GPBP1: variants seen among roughly 807,000 people sequenced by gnomAD.
The protein encoded by GPBP1 is GC-rich promoter binding protein 1.
In GPBP1, 13 loss-of-function variants were observed where a neutral mutation model predicts 56.5. The ratio of observed to expected loss-of-function variants is 0.23; its 90% CI spans 0.15 to 0.37. The LOEUF (loss-of-function observed/expected upper bound fraction) is 0.37, where lower values mean the gene tolerates loss of function less well. Among genes scored for constraint, GPBP1 ranks in the 10% least tolerant of loss-of-function variants. GPBP1 has a pLI of 1.00. For missense variants in GPBP1, 477 were observed against 572.3 expected, an observed-to-expected ratio of 0.83 and a Z score of 1.70; for synonymous variants, 204 against 188.9, an observed-to-expected ratio of 1.08 and a Z score of -0.66.
intron 3 of GPBP1, among the ~76,000 whole-genome samples, chr5:57,214,854 G>T (rs1755638693): frequency 6.6e-6 from 1 of 152,104 alleles, no homozygotes; most frequent in Non-Finnish European, 1.5e-5. Context: ...TAGAGGTGAG[G>T]TTTTGCCATG....
At chr5:57,177,648 CTT>C (rs58708281) in intron 2 of GPBP1, among the ~76,000 whole-genome samples, 7,835 of 89,786 alleles carry the variant, frequency 0.087, 190 homozygotes, top group Non-Finnish European at 0.12. Flanking sequence ...CAATTTTTGC[CTT>C]TTTTTTTTTT....
chr5:57,229,137 A>G (rs1177954803), intron 3 of GPBP1, among the ~76,000 whole-genome samples: 1 of 149,306 alleles, frequency 6.7e-6, no homozygotes, highest in African/African-American at 2.4e-5. Flanking sequence ...AGGCTGAGGC[A>G]GGAGAATCGC....
intron 3 of GPBP1, chr5:57,221,433 A>C (rs912655686): frequency 7.5e-7 from 1 of 1,331,028 alleles, no homozygotes; most frequent in Non-Finnish European, 1.1e-6. Context: ...CAGATATTGA[A>C]AAATTTAGAT....
intron 2 of GPBP1, among the ~76,000 whole-genome samples, chr5:57,186,418 A>G (rs780424074): frequency 6.6e-6 from 1 of 150,664 alleles, no homozygotes; most frequent in Non-Finnish European, 1.5e-5. Flanking sequence ...TTTTTCTTTC[A>G]TGGTTTGTGC....
chr5:57,188,885 C>G (rs556936359), intron 2 of GPBP1, among the ~76,000 whole-genome samples: 3 of 152,198 alleles, frequency 2.0e-5, no homozygotes, highest in Non-Finnish European at 4.4e-5. Context: ...TTCTTTCCCC[C>G]CATCTAATCC....
At chr5:57,204,127 A>T (rs1442410656) in intron 2 of GPBP1, among the ~76,000 whole-genome samples, 1 of 152,230 alleles carries the variant, frequency 6.6e-6, no homozygotes, top group Non-Finnish European at 1.5e-5. Context: ...AAATATTAAT[A>T]AAGTTTCGTT....
intron 10 of GPBP1, among the ~76,000 whole-genome samples, chr5:57,260,060 C>G (rs935501711): frequency 6.6e-6 from 1 of 152,196 alleles, no homozygotes; most frequent in South Asian, 2.1e-4. Flanking sequence ...CTTGTTTAAA[C>G]TTTCCATTGA....
intron 2 of GPBP1, among the ~76,000 whole-genome samples, chr5:57,179,486 TACAGGCCTAAACC>T (rs2111707380): frequency 2.0e-5 from 3 of 152,346 alleles, no homozygotes; most frequent in African/African-American, 7.2e-5. Flanking sequence ...GTGCTGGGAT[TACAGGCCTAAACC>T]ACAGTGCCTG....
intron 2 of GPBP1, among the ~76,000 whole-genome samples, chr5:57,203,561 C>T (rs1755107454): frequency 6.6e-6 from 1 of 152,134 alleles, no homozygotes; most frequent in Non-Finnish European, 1.5e-5. Flanking sequence ...AGGAGAACTG[C>T]TTGAACCCAG....
At chr5:57,178,531 C>G (rs1487969119) in intron 2 of GPBP1, among the ~76,000 whole-genome samples, 1 of 152,210 alleles carries the variant, frequency 6.6e-6, no homozygotes, top group East Asian at 1.9e-4. Flanking sequence ...CAGGCCTGAG[C>G]CACTGCGTCC....
At chr5:57,194,468 T>C (rs748069559) in intron 2 of GPBP1, among the ~76,000 whole-genome samples, 2 of 152,222 alleles carry the variant, frequency 1.3e-5, no homozygotes, top group African/African-American at 4.8e-5. Flanking sequence ...ATACAGTGTG[T>C]AATGATCAAA....
intron 2 of GPBP1, among the ~76,000 whole-genome samples, chr5:57,200,508 C>T (rs1193887614): frequency 6.6e-6 from 1 of 151,580 alleles, no homozygotes; most frequent in Non-Finnish European, 1.5e-5. Flanking sequence ...GCTGGGATTA[C>T]AGGCATGCGC....
In GPBP1 at chr5:57,230,885, T is replaced by C. The variant is rs764565750; in HGVS notation, c.103T>C (p.Trp35Arg). 11 of 1,611,068 alleles carry C rather than the reference T, an allele frequency of 6.8e-6. 1 individual carries two copies. The South Asian group carries it at 1.1e-4, about 16-fold the overall frequency. The change falls in exon 4 of 12, where the codon TGG becomes CGG. Residue 35 changes from tryptophan to arginine, a missense_variant. By Grantham distance (101) the Trp-to-Arg change is moderately radical. Transcript: ENST00000506184. The stretch of plus-strand genomic sequence containing the variant: ...TGAGAAGCATTCTGAAAACTTTGCA[T>C]GGACAGAGAATCGTTATGATGTGAA... ...NFEKHSENFA[W>R]TENRYDVNRR... is the part of the protein sequence containing the mutation.
At chr5:57,203,094 TTGAAG>T (rs1196918180) in intron 2 of GPBP1, among the ~76,000 whole-genome samples, 1 of 152,250 alleles carries the variant, frequency 6.6e-6, no homozygotes, top group East Asian at 1.9e-4. Context: ...GTTGTAAGTT[TTGAAG>T]TTCAATTATA....
intron 2 of GPBP1, among the ~76,000 whole-genome samples, chr5:57,203,533 T>C (rs1755106473): frequency 6.6e-6 from 1 of 152,128 alleles, no homozygotes; most frequent in Non-Finnish European, 1.5e-5. Context: ...TAATCCCAGC[T>C]ACTTGGGAGG....
intron 3 of GPBP1, among the ~76,000 whole-genome samples, chr5:57,220,327 G>C (rs190868258): frequency 1.3e-5 from 2 of 151,810 alleles, no homozygotes; most frequent in Non-Finnish European, 2.9e-5. Flanking sequence ...ATGCTTTTTG[G>C]ACCTGACTCT....
At chr5:57,215,260 T>C (rs1051026520) in intron 3 of GPBP1, among the ~76,000 whole-genome samples, 1 of 152,260 alleles carries the variant, frequency 6.6e-6, no homozygotes, top group Non-Finnish European at 1.5e-5. Flanking sequence ...TAGTCCCTGC[T>C]GTACTCATTT....
At chr5:57,184,327 T>C (rs573313162) in intron 2 of GPBP1, among the ~76,000 whole-genome samples, 1 of 152,254 alleles carries the variant, frequency 6.6e-6, no homozygotes, top group South Asian at 2.1e-4. Flanking sequence ...GACTGGATAA[T>C]TTATAGAGAA....
chr5:57,180,925 A>G (rs754733995), intron 2 of GPBP1, among the ~76,000 whole-genome samples: 1 of 152,156 alleles, frequency 6.6e-6, no homozygotes, highest in African/African-American at 2.4e-5. Context: ...AATTTTTAGT[A>G]GAGATGGGGT....
Sources: gnomAD v4.1 joint callset for allele counts (sites outside exome capture counted in the v4.1 genomes callset) on GRCh38, gnomAD v4.1.1 for gene constraint, MANE v1.5 for transcripts, NCBI Gene and HGNC (gene_info 2026-07-23, HGNC 2026-07-21) for gene names.